MAF: variants seen among roughly 807,000 people sequenced by gnomAD.
MAF encodes the protein transcription factor Maf.
MAF carries 10 observed loss-of-function variants against 22.0 expected under a neutral mutation model. The observed-to-expected ratio is 0.45, with a 90% CI of 0.28 to 0.77. The LOEUF (loss-of-function observed/expected upper bound fraction) is 0.77. MAF is among the 30% of genes least tolerant of loss of function. MAF has a pLI of 0.12. For missense variants in MAF, 544 were observed against 548.4 expected (o/e 0.99, Z 0.08); for synonymous variants, 337 against 255.8 (o/e 1.32, Z -3.03).
At chr16:79,356,646 T>C in the MAF span, among the ~76,000 whole-genome samples, 18 of 152,174 alleles carry the variant, frequency 1.2e-4, no homozygotes, top group African/African-American at 4.3e-4. Flanking sequence ...CCTTTGGATG[T>C]GCTGTTGCTG....
chr16:79,334,784 AG>A, the MAF span, among the ~76,000 whole-genome samples: 2 of 152,036 alleles, frequency 1.3e-5, no homozygotes, highest in Non-Finnish European at 2.9e-5. Flanking sequence ...GCAGGGAGAA[AG>A]GATCAGTAGT....
chr16:79,423,205 T>C, the MAF span, among the ~76,000 whole-genome samples: 3 of 152,354 alleles, frequency 2.0e-5, no homozygotes, highest in East Asian at 5.8e-4. Flanking sequence ...GAGTTATCAG[T>C]TGTTTATCTG....
At chr16:79,553,595 G>A in the MAF span, among the ~76,000 whole-genome samples, 1 of 152,218 alleles carries the variant, frequency 6.6e-6, no homozygotes, top group African/African-American at 2.4e-5. Flanking sequence ...AGTCAGCCTG[G>A]TCAGAAAGCT....
At chr16:79,224,250 T>G in the MAF span, among the ~76,000 whole-genome samples, 34 of 152,254 alleles carry the variant, frequency 2.2e-4, no homozygotes, top group Non-Finnish European at 4.9e-4. Context: ...ACAGAACGGA[T>G]GATAAAAACC....
the MAF span, among the ~76,000 whole-genome samples, chr16:79,557,967 G>C: frequency 6.6e-6 from 1 of 151,398 alleles, no homozygotes; most frequent in African/African-American, 2.4e-5. Context: ...TTCAGGGAAG[G>C]GCAGTGAATG....
the MAF span, among the ~76,000 whole-genome samples, chr16:79,288,387 T>G: frequency 6.6e-6 from 1 of 152,138 alleles, no homozygotes; most frequent in African/African-American, 2.4e-5. Context: ...ATCCCGAGGC[T>G]GCCATGCTGT....
the MAF span, among the ~76,000 whole-genome samples, chr16:79,217,986 T>TAAAAAAAAAAAA: frequency 1.3e-4 from 7 of 52,124 alleles, no homozygotes; most frequent in African/African-American, 7.3e-5. Context: ...GAAGCTTATG[T>TAAAAAAAAAAAA]AAAAAAAAAA....
At chr16:79,209,025 G>T in the MAF span, among the ~76,000 whole-genome samples, 21,547 of 152,164 alleles carry the variant, frequency 0.14, 1,842 homozygotes, top group East Asian at 0.27. Context: ...CTTTGCTTTC[G>T]GGTGCCCCTC....
the MAF span, among the ~76,000 whole-genome samples, chr16:79,330,651 G>A: frequency 2.6e-5 from 4 of 152,220 alleles, no homozygotes; most frequent in East Asian, 7.7e-4. Flanking sequence ...TGATCAAAGG[G>A]AGAGGTAGTC....
At chr16:79,497,008 G>A in the MAF span, among the ~76,000 whole-genome samples, 2 of 152,076 alleles carry the variant, frequency 1.3e-5, no homozygotes, top group Non-Finnish European at 2.9e-5. Flanking sequence ...CAATTTATAT[G>A]ATCAAATAAA....
the MAF span, among the ~76,000 whole-genome samples, chr16:79,246,216 T>C: frequency 6.6e-6 from 1 of 151,788 alleles, no homozygotes; most frequent in African/African-American, 2.4e-5. Context: ...TAAAAGAAAA[T>C]TAAAAAAAAA....
At chr16:79,422,456 T>C in the MAF span, among the ~76,000 whole-genome samples, 1 of 152,186 alleles carries the variant, frequency 6.6e-6, no homozygotes, top group African/African-American at 2.4e-5. Context: ...ATGACAGACC[T>C]GATTCCCACC....
chr16:79,519,271 T>C, the MAF span, among the ~76,000 whole-genome samples: 1 of 152,144 alleles, frequency 6.6e-6, no homozygotes, highest in South Asian at 2.1e-4. Context: ...CTCAGAGATC[T>C]CTGAAGATAA....
the MAF span, among the ~76,000 whole-genome samples, chr16:79,574,935 C>T: frequency 3.9e-5 from 6 of 152,108 alleles, no homozygotes; most frequent in South Asian, 1.0e-3. Context: ...CAGCTTCTTG[C>T]CTTTCTGGGT....
chr16:79,221,988 A>C, the MAF span, among the ~76,000 whole-genome samples: 1 of 152,192 alleles, frequency 6.6e-6, no homozygotes, highest in Non-Finnish European at 1.5e-5. Context: ...TTCTTAAAGC[A>C]GTAAAAATAA....
At chr16:79,252,238 G>T in the MAF span, among the ~76,000 whole-genome samples, 1 of 151,764 alleles carries the variant, frequency 6.6e-6, no homozygotes, top group African/African-American at 2.4e-5. Context: ...CACGAAAGCA[G>T]CCACAGACAA....
At chr16:79,322,769 C>A in the MAF span, among the ~76,000 whole-genome samples, 1 of 151,808 alleles carries the variant, frequency 6.6e-6, no homozygotes, top group African/African-American at 2.4e-5. Context: ...AGGTGAGAGG[C>A]CAGTGGAGAA....
chr16:79,230,946 A>G, the MAF span, among the ~76,000 whole-genome samples: 1 of 152,078 alleles, frequency 6.6e-6, no homozygotes, highest in African/African-American at 2.4e-5. Flanking sequence ...TCTGCCCAAA[A>G]TATACGGATA....
At chr16:79,349,879 T>G in the MAF span, among the ~76,000 whole-genome samples, 7 of 152,154 alleles carry the variant, frequency 4.6e-5, no homozygotes, top group Admixed American at 3.3e-4. Flanking sequence ...CCTCAGTAAT[T>G]CCAAGCACAC....
Sources: allele counts gnomAD v4.1 joint callset (sites outside exome capture counted in the v4.1 genomes callset), GRCh38; gene constraint gnomAD v4.1.1; transcripts MANE v1.5; gene names NCBI Gene and HGNC (gene_info 2026-07-23, HGNC 2026-07-21).